Variants in LCA5L observed in about 807,000 individuals in gnomAD.
LCA5L encodes the protein lebercilin LCA5 like.
In LCA5L, 35 loss-of-function variants were observed where a neutral mutation model predicts 45.4. The observed-to-expected ratio is 0.77, with a 90% CI of 0.59 to 1.02. LCA5L has a LOEUF of 1.02. Among genes scored for constraint, LCA5L ranks in the 50% least tolerant of loss-of-function variants. The pLI is 0.00. For missense variants in LCA5L, 668 were observed against 761.6 expected (o/e 0.88, Z 1.45); for synonymous variants, 233 against 264.7 (o/e 0.88, Z 1.16).
chr21:39,436,069 T>G (rs934282618), intron 2 of LCA5L: 1 of 152,232 alleles, frequency 6.6e-6, no homozygotes, highest in Non-Finnish European at 1.5e-5. Context: ...CTTTTCAAGT[T>G]TTTGGCAGAA....
chr21:39,428,306 GAACTTA>G lies in LCA5L; in HGVS notation c.182_187del (p.Leu61_Ser62del). ...AAAGTCTTCTGAATAATCATACTGA[GAACTTA>G]AACTTCCACAGGAGCACTGAGATCT... On this transcript the variant is annotated inframe_deletion, in exon 5 of 11. Transcript: ENST00000288350. The G allele has an allele frequency of 1.9e-6, 3 of 1,612,504 alleles. No individual in the cohort carries two copies. The highest frequency in any genetic ancestry group is 1.7e-6 in the Non-Finnish European group (2 of 1,178,908).
intron 10 of LCA5L, among the ~76,000 whole-genome samples, chr21:39,407,109 C>G (rs2039199593): frequency 6.6e-6 from 1 of 152,150 alleles, no homozygotes; most frequent in African/African-American, 2.4e-5. Context: ...TGCCTGTAGT[C>G]TTGGCTACTC....
chr21:39,418,253 G>A (rs914443898), intron 7 of LCA5L, among the ~76,000 whole-genome samples: 4 of 152,114 alleles, frequency 2.6e-5, no homozygotes, highest in African/African-American at 9.7e-5. Flanking sequence ...CCATATCAAG[G>A]ATATTACAGT....
intron 7 of LCA5L, among the ~76,000 whole-genome samples, chr21:39,417,941 A>AT (rs1164884064): frequency 6.6e-6 from 1 of 151,748 alleles, no homozygotes; most frequent in Non-Finnish European, 1.5e-5. Flanking sequence ...AATTTTTTGT[A>AT]TTTTTTAGTA....
intron 3 of LCA5L, among the ~76,000 whole-genome samples, chr21:39,432,476 C>G (rs1292598813): frequency 6.6e-6 from 1 of 152,144 alleles, no homozygotes; most frequent in Non-Finnish European, 1.5e-5. Flanking sequence ...CAACTGATTC[C>G]TAAGCCTTTG....
Position 39,409,592 on chromosome 21 carries a change from G to GT in LCA5L, c.1282+386dup, listed in dbSNP as rs200624315. Among the ~76,000 whole-genome samples the GT allele has an allele frequency of 3.1e-3, 460 of 150,292 alleles. 5 individuals carry two copies. The highest frequency in any genetic ancestry group is 9.6e-3 in the African/African-American group (395 of 41,088). On this transcript the variant is annotated intron_variant, in intron 10 of 10. Coordinates refer to ENST00000288350, the MANE Select transcript of LCA5L (RefSeq NM_152505.4). The surrounding 1 kb of genome is among the most constrained non-coding windows in gnomAD (Gnocchi z 4.2). Reference sequence around the variant, plus strand: ...ATTATAATTCTGGAAACGGTTTTATGTTTTTTTTTTAATTTTTTGAGACAG... The same window carrying GT: ...ATTATAATTCTGGAAACGGTTTTATGTTTTTTTTTTTAATTTTTTGAGACAG...
At chr21:39,418,704 T>C (rs998630854) in intron 7 of LCA5L, among the ~76,000 whole-genome samples, 1 of 152,042 alleles carries the variant, frequency 6.6e-6, no homozygotes, top group African/African-American at 2.4e-5. Context: ...TTTGCCATGT[T>C]GGTCAGGCTG....
At chr21:39,424,037 G>C (rs894692664) in intron 5 of LCA5L, among the ~76,000 whole-genome samples, 7 of 151,770 alleles carry the variant, frequency 4.6e-5, no homozygotes, top group Non-Finnish European at 1.0e-4. Context: ...TTTTGAGATG[G>C]AGTCTCCCTC....
chr21:39,426,195 G>A (rs753091950), intron 5 of LCA5L, among the ~76,000 whole-genome samples: 9 of 152,090 alleles, frequency 5.9e-5, no homozygotes, highest in Non-Finnish European at 1.0e-4. Context: ...GACAAGCCAG[G>A]TTTGTTGGCT....
At chr21:39,412,299 G>A (rs942419267) in intron 7 of LCA5L, among the ~76,000 whole-genome samples, 20 of 152,148 alleles carry the variant, frequency 1.3e-4, no homozygotes, top group Non-Finnish European at 1.9e-4. Context: ...ACAGGGCTAC[G>A]TCTAGACAAG....
intron 10 of LCA5L, chr21:39,408,615 G>C (rs1182847672): frequency 6.6e-6 from 1 of 152,412 alleles, no homozygotes; most frequent in Non-Finnish European, 1.5e-5. Context: ...GTCTGGGCCA[G>C]CTGAGGACTC....
intron 7 of LCA5L, among the ~76,000 whole-genome samples, chr21:39,420,349 C>A (rs2042070009): frequency 6.6e-6 from 1 of 151,868 alleles, no homozygotes; most frequent in Admixed American, 6.6e-5. Context: ...CGGCAAAAGC[C>A]CGTCTCTACT....
intron 3 of LCA5L, among the ~76,000 whole-genome samples, chr21:39,431,474 T>A (rs1305163728): frequency 1.3e-5 from 2 of 151,984 alleles, no homozygotes; most frequent in Non-Finnish European, 2.9e-5. Flanking sequence ...AGACAATTTT[T>A]TTTTTGTTGG....
chr21:39,406,681 C>T (rs2039115934), intron 10 of LCA5L, 69 bp from the exon 11 acceptor site: 2 of 1,236,142 alleles, frequency 1.6e-6, no homozygotes, highest in South Asian at 1.5e-5. Flanking sequence ...GATGGCATGT[C>T]TAGTACACTT....
At chr21:39,428,809 T>A (rs1343912105) in intron 4 of LCA5L, among the ~76,000 whole-genome samples, 4 of 150,954 alleles carry the variant, frequency 2.6e-5, no homozygotes, top group Non-Finnish European at 5.9e-5. Flanking sequence ...AATGGGAGTC[T>A]CACTATGTTG....
intron 3 of LCA5L, among the ~76,000 whole-genome samples, chr21:39,434,957 T>C (rs923122339): frequency 1.1e-4 from 16 of 152,250 alleles, no homozygotes; most frequent in African/African-American, 3.4e-4. Context: ...ATATCTACTA[T>C]AGTTACACTA....
intron 6 of LCA5L, 71 bp downstream of exon 6, chr21:39,422,905 C>G: frequency 7.3e-7 from 1 of 1,379,202 alleles, no homozygotes; most frequent in East Asian, 2.3e-5. Context: ...GGGGGCGCAT[C>G]CATGATTAAT....
intron 10 of LCA5L, chr21:39,408,495 T>C (rs1000563144): frequency 2.6e-5 from 4 of 152,322 alleles, no homozygotes; most frequent in African/African-American, 9.6e-5. Context: ...GGAGACAGAC[T>C]AGGACCCCTG....
intron 5 of LCA5L, among the ~76,000 whole-genome samples, chr21:39,426,616 C>A (rs1345387127): frequency 6.6e-6 from 1 of 152,192 alleles, no homozygotes; most frequent in Non-Finnish European, 1.5e-5. Flanking sequence ...ACTATTCACA[C>A]TAAGTGAAAT....
Sources: gnomAD v4.1 joint callset for allele counts (sites outside exome capture counted in the v4.1 genomes callset) on GRCh38, gnomAD v4.1.1 for gene constraint, Gnocchi (gnomAD v3.1) non-coding constraint, MANE v1.5 for transcripts, NCBI Gene and HGNC (gene_info 2026-07-23, HGNC 2026-07-21) for gene names.